SETD3: variants seen among roughly 807,000 people sequenced by gnomAD.
SETD3 encodes actin-histidine N-methyltransferase.
SETD3 carries 19 observed loss-of-function variants against 63.0 expected under a neutral mutation model. That is an observed-to-expected ratio of 0.30 (90% CI 0.21 to 0.44). The LOEUF (loss-of-function observed/expected upper bound fraction) is 0.44. SETD3 is among the 20% of genes least tolerant of loss of function. The pLI is 1.00. For synonymous variants in SETD3, 286 were observed against 264.1 expected (o/e 1.08, Z -0.80); for missense variants, 587 against 728.5 (o/e 0.81, Z 2.24).
chr14:99,424,654 A>T (rs1417173883), intron 6 of SETD3, among the ~76,000 whole-genome samples: 1 of 152,128 alleles, frequency 6.6e-6, no homozygotes, highest in Non-Finnish European at 1.5e-5. Flanking sequence ...GGCTTCCCTT[A>T]GCTCTAAGGG....
At position 99,419,762 on chromosome 14, in the gene SETD3, G is replaced by A. The variant is rs896732940; in HGVS notation, c.676-5828C>T. The stretch of plus-strand genomic sequence containing the variant: ...TGCACTCCAGCCTGGGCGACAGAGC[G>A]AGACTCCGTCTCAAAAAAAAAAACA... On this transcript the variant is annotated intron_variant, in intron 6 of 12. Coordinates refer to ENST00000331768, the MANE Select transcript of SETD3 (RefSeq NM_032233.3). Among the ~76,000 whole-genome samples, 164 of 147,296 alleles carry A rather than the reference G, an allele frequency of 1.1e-3. 1 individual carries two copies. The highest frequency in any genetic ancestry group is 1.8e-3 in the Non-Finnish European group (119 of 67,236).
At chr14:99,485,389 T>C (rs915447690), upstream of SETD3, among the ~76,000 whole-genome samples, 4 of 152,220 alleles carry the variant, frequency 2.6e-5, no homozygotes, top group Admixed American at 2.0e-4. Flanking sequence ...GGAGGTACTC[T>C]TGAGATTTTT....
intron 6 of SETD3, among the ~76,000 whole-genome samples, chr14:99,446,997 G>C (rs1165630205): frequency 2.7e-5 from 4 of 147,384 alleles, no homozygotes; most frequent in African/African-American, 7.6e-5. Flanking sequence ...TTTTGAGACA[G>C]AGTCTCACTC....
Position 99,405,205 on chromosome 14 carries a change from G to T in SETD3, c.1091C>A (p.Thr364Asn). ...AEVLARAGIP[T>N]SSVFALHFTE... is the part of the protein sequence containing the mutation. Reference sequence around the variant, plus strand: ...GGCCAACCGATGTTTTTCTACGTACGTGGGGATGCCGGCACGAGCCAAGAC... The same window carrying T: ...GGCCAACCGATGTTTTTCTACGTACTTGGGGATGCCGGCACGAGCCAAGAC... Residue 364 changes from threonine to asparagine, a missense_variant and splice_region_variant, in exon 10 of 13, where the codon ACT becomes AAT. By Grantham distance (65) the Thr-to-Asn change is moderately conservative (BLOSUM62 0). Coordinates refer to ENST00000331768, the MANE Select transcript of SETD3 (RefSeq NM_032233.3). The T allele has an allele frequency of 6.2e-7, 1 of 1,611,898 alleles. No homozygotes were observed.
chr14:99,466,959 T>G (rs555693527), intron 1 of SETD3, among the ~76,000 whole-genome samples: 3 of 152,194 alleles, frequency 2.0e-5, no homozygotes, highest in Non-Finnish European at 4.4e-5. Context: ...TTTGGTCCAT[T>G]TGTTTTTTAC....
At chr14:99,462,712 G>C (rs909732087) in intron 3 of SETD3, among the ~76,000 whole-genome samples, 1 of 152,142 alleles carries the variant, frequency 6.6e-6, no homozygotes, top group African/African-American at 2.4e-5. Context: ...CACCATTTTG[G>C]AGTCTGAGAC....
intron 8 of SETD3, chr14:99,410,021 CA>C (rs1891893605): frequency 4.1e-6 from 2 of 489,818 alleles, no homozygotes; most frequent in Non-Finnish European, 7.4e-6. Flanking sequence ...AAGGCAGAAA[CA>C]AGCGGATCTG....
chr14:99,464,996 C>T (rs768918140), intron 2 of SETD3, among the ~76,000 whole-genome samples: 5 of 152,182 alleles, frequency 3.3e-5, no homozygotes, highest in East Asian at 1.9e-4. Context: ...ATTAGCTGGG[C>T]GTGGTGACAC....
intron 6 of SETD3, among the ~76,000 whole-genome samples, chr14:99,447,696 T>C (rs1375041575): frequency 1.3e-5 from 2 of 152,224 alleles, no homozygotes; most frequent in Admixed American, 1.3e-4. Flanking sequence ...TCCTAAGTCC[T>C]AGTTTTTTCA....
At chr14:99,440,177 C>T (rs1893720517) in intron 6 of SETD3, among the ~76,000 whole-genome samples, 1 of 152,076 alleles carries the variant, frequency 6.6e-6, no homozygotes, top group Non-Finnish European at 1.5e-5. Context: ...ATGTTCTTCC[C>T]GATGAGACTG....
At chr14:99,457,660 G>C (rs1293162780) in intron 6 of SETD3, among the ~76,000 whole-genome samples, 1 of 152,216 alleles carries the variant, frequency 6.6e-6, no homozygotes, top group African/African-American at 2.4e-5. Context: ...CTCAGTCCTG[G>C]TGGGGACTGT....
intron 6 of SETD3, among the ~76,000 whole-genome samples, chr14:99,447,963 A>T (rs1287581367): frequency 6.6e-6 from 1 of 152,226 alleles, no homozygotes; most frequent in African/African-American, 2.4e-5. Flanking sequence ...GGCCACACCC[A>T]GCTTTCTGTG....
chr14:99,405,238 T>A lies in SETD3; in HGVS notation c.1058A>T (p.Lys353Met). Residue 353 changes from lysine (K) to methionine (M), a missense_variant, in exon 10 of 13, where the codon AAG (lysine) becomes ATG (methionine). Coordinates refer to ENST00000331768, the MANE Select transcript of SETD3 (RefSeq NM_032233.3). Reference protein sequence around the residue: ...VSKSDRLYAMKAEVLARAGIP... With the variant: ...VSKSDRLYAMMAEVLARAGIP... Reference sequence around the variant, plus strand: ...GCCGGCACGAGCCAAGACCTCGGCCTTCATGGCGTAGAGTCTGTCACTTTT... The same window carrying A: ...GCCGGCACGAGCCAAGACCTCGGCCATCATGGCGTAGAGTCTGTCACTTTT... 6.2e-7 allele frequency: 1 copy of A among 1,614,056 alleles called. No individual in the cohort carries two copies. Among genetic ancestry groups the A allele is most frequent in the Non-Finnish European group, 8.5e-7 (1 of 1,179,966 alleles).
chr14:99,412,807 G>A (rs887815819), intron 8 of SETD3, 144 bp downstream of exon 8: 9 of 617,090 alleles, frequency 1.5e-5, no homozygotes, highest in Non-Finnish European at 2.1e-5. Context: ...CGGTGGGGAG[G>A]AGTGGCCGGT....
At chr14:99,444,703 T>C (rs1246818099) in intron 6 of SETD3, among the ~76,000 whole-genome samples, 1 of 151,890 alleles carries the variant, frequency 6.6e-6, no homozygotes, top group East Asian at 1.9e-4. Flanking sequence ...TACAAAAAAA[T>C]ATAAAAATTA....
At chr14:99,424,340 G>A (rs1036944344) in intron 6 of SETD3, among the ~76,000 whole-genome samples, 22 of 152,230 alleles carry the variant, frequency 1.4e-4, no homozygotes, top group Admixed American at 1.4e-3. Context: ...AGAGCAGGAA[G>A]AACGAAGCAG....
intron 6 of SETD3, among the ~76,000 whole-genome samples, chr14:99,448,364 G>A (rs1894255743): frequency 6.6e-6 from 1 of 152,144 alleles, no homozygotes. Context: ...CACAGCTTCA[G>A]CCCCCTTCTC....
intron 6 of SETD3, among the ~76,000 whole-genome samples, chr14:99,428,787 A>G (rs1381685723): frequency 6.6e-6 from 1 of 152,202 alleles, no homozygotes; most frequent in Non-Finnish European, 1.5e-5. Context: ...ACTGCCAGCA[A>G]GAAACCCAGG....
chr14:99,465,628 TC>T (rs1895326161), intron 2 of SETD3, 74 bp downstream of exon 2: 1 of 1,198,108 alleles, frequency 8.3e-7, no homozygotes, highest in African/African-American at 1.5e-5. Flanking sequence ...GATGCACGCG[TC>T]CCCATTCTGG....
Sources: allele counts gnomAD v4.1 joint callset (sites outside exome capture counted in the v4.1 genomes callset), GRCh38; gene constraint gnomAD v4.1.1; transcripts MANE v1.5; gene names NCBI Gene and HGNC (gene_info 2026-07-23, HGNC 2026-07-21).